Variants in SUPT20HL1 observed in about 807,000 individuals in gnomAD.
The protein encoded by SUPT20HL1 is transcription factor SPT20 homolog-like 1.
For missense variants in SUPT20HL1, 277 were observed against 200.3 expected (o/e 1.38, Z -2.31); for synonymous variants, 133 against 79.2 (o/e 1.68, Z -3.61).
chrX:24,361,055 G>A lies in SUPT20HL1; in HGVS notation c.-1706G>A, dbSNP rs1939423915. 8.9e-6 allele frequency among the ~76,000 whole-genome samples: 1 copy of A among 112,380 alleles called. No homozygotes were observed. The highest frequency in any genetic ancestry group is 3.7e-4 in the South Asian group (1 of 2,727). ...ACCCCAGCTTCCTTGCATCTAGGAC[G>A]GGACAATCTGAGGCTTATTCTGTAC... is the stretch of plus-strand genomic sequence containing the variant. On this transcript the variant is annotated 5_prime_UTR_variant, in exon 1 of 1. Transcript: ENST00000686983.
chrX:24,364,542 A>C lies in SUPT20HL1; in HGVS notation c.1782A>C (p.Lys594Asn). Residue 594 changes from lysine (K) to asparagine (N), a missense_variant, in exon 1 of 1, where the codon AAA becomes AAC. Physicochemically the swap from Lys to Asn is moderately conservative, Grantham distance 94. Coordinates refer to ENST00000686983, the MANE Select transcript of SUPT20HL1 (RefSeq NM_001136234.3). Reference protein sequence around the residue: ...PAAQPPTKFIKIAPAIQLRTG... With the variant: ...PAAQPPTKFINIAPAIQLRTG... ...CCCAGCCCCCCACCAAATTCATAAA[A>C]ATAGCGCCAGCCATTCAGTTGAGGA... 3.6e-6 allele frequency: 2 copies of C among 551,352 alleles called. No homozygotes were observed. The highest frequency in any genetic ancestry group is 3.2e-4 in the Middle Eastern group (1 of 3,149). 45.4% of individuals were successfully genotyped at this position (551,352 alleles called of 1,213,427 possible).
Position 24,365,827 on chromosome X carries a change from G to T in SUPT20HL1, c.*403G>T, listed in dbSNP as rs969859583. ...GTTAATATTTTAACAAGAAGAGTGG[G>T]ATTAAATTTATTTTAATGGTGGTAA... On this transcript the variant is annotated 3_prime_UTR_variant, in exon 1 of 1. Transcript: ENST00000686983. 8.9e-6 allele frequency among the ~76,000 whole-genome samples: 1 copy of T among 111,987 alleles called. No individual in the cohort carries two copies. The highest frequency in any genetic ancestry group is 3.2e-5 in the African/African-American group (1 of 30,813).
Position 24,365,198 on chromosome X carries a change from C to CGCA in SUPT20HL1, c.2450_2452dup (p.Gln817dup), listed in dbSNP as rs755894037. ...AAGCCACGGCAGGAGCAGCCACAGTCGCAGCAGCAGCAGCCGCAGCATATC... is the reference window on the plus strand; with the variant it reads ...AAGCCACGGCAGGAGCAGCCACAGTCGCAGCAGCAGCAGCAGCCGCAGCATATC... On this transcript the variant is annotated inframe_insertion, in exon 1 of 1. Coordinates refer to ENST00000686983, the MANE Select transcript of SUPT20HL1 (RefSeq NM_001136234.3). The CGCA allele has an allele frequency of 2.9e-6, 1 of 350,801 alleles. No individual in the cohort carries two copies. The highest frequency in any genetic ancestry group is 2.6e-5 in the African/African-American group (1 of 38,239). 28.9% of individuals were successfully genotyped at this position (350,801 alleles called of 1,213,427 possible).
At position 24,363,356 on chromosome X, in the gene SUPT20HL1, A is replaced by G. The variant is rs1337927670; in HGVS notation, c.596A>G (p.Gln199Arg). The G allele has an allele frequency of 2.6e-6, 1 of 387,466 alleles. No homozygotes were observed. The allele number at this position is 387,466 out of a possible 1,213,427, so 31.9% of individuals were successfully genotyped here. The change falls in exon 1 of 1, where the codon CAG becomes CGG. Residue 199 changes from glutamine to arginine, a missense_variant. Transcript: ENST00000686983. ...SQEDKLQLES[Q>R]LILATAEPLC... is the part of the protein sequence containing the mutation. The stretch of plus-strand genomic sequence containing the variant: ...GAAGACAAGCTTCAGCTTGAGAGCC[A>G]GCTGATCTTAGCGACAGCTGAACCA...
Position 24,364,238 on chromosome X carries a change from T to C in SUPT20HL1, c.1478T>C (p.Phe493Ser). 1 of 921,953 alleles carries C rather than the reference T, an allele frequency of 1.1e-6. No homozygotes were observed. Among genetic ancestry groups the C allele is most frequent in the Non-Finnish European group, 1.5e-6 (1 of 654,191 alleles). 76.0% of individuals were successfully genotyped at this position (921,953 alleles called of 1,213,427 possible). The change falls in exon 1 of 1, where the codon TTT becomes TCT. Residue 493 changes from phenylalanine (F) to serine (S), a missense_variant. Transcript: ENST00000686983. The part of the protein sequence containing the change: ...QQAGSPLKRP[F>S]SAAAAIAAAA... The stretch of plus-strand genomic sequence containing the variant: ...GCAGGCAGCCCTCTTAAGCGTCCAT[T>C]TTCTGCTGCTGCTGCTATTGCTGCT...
rs1241674888 is a variant in SUPT20HL1, at chrX:24,367,527, A to G, written c.*2103A>G. On this transcript the variant is annotated 3_prime_UTR_variant, in exon 1 of 1. Coordinates refer to ENST00000686983, the MANE Select transcript of SUPT20HL1 (RefSeq NM_001136234.3). ...GATGCTGTTAAAGAAAGACTTGGCC[A>G]ACTTCAAGAAAACACATCGAATTTC... 3.6e-5 allele frequency among the ~76,000 whole-genome samples: 4 copies of G among 112,414 alleles called. No individual in the cohort carries two copies. Among genetic ancestry groups the G allele is most frequent in the Admixed American group, 9.4e-5 (1 of 10,635 alleles).
chrX:24,363,455 C>T lies in SUPT20HL1; in HGVS notation c.695C>T (p.Thr232Ile), dbSNP rs774273021. Residue 232 changes from threonine to isoleucine, a missense_variant, in exon 1 of 1, where the codon ACC becomes ATC. By Grantham distance (89) the Thr-to-Ile change is moderately conservative. Transcript: ENST00000686983. Reference protein sequence around the residue: ...RLLYNKQKMNTDPMKRCLQRY... With the variant: ...RLLYNKQKMNIDPMKRCLQRY... The stretch of plus-strand genomic sequence containing the variant: ...CTGTACAACAAGCAAAAGATGAATA[C>T]CGACCCGATGAAACGGTGCCTCCAG... The T allele has an allele frequency of 1.3e-5, 5 of 387,109 alleles. No individual in the cohort carries two copies. In the East Asian group the frequency reaches 3.7e-4, roughly 29 times the overall value. 31.9% of individuals were successfully genotyped at this position (387,109 alleles called of 1,213,427 possible).
Position 24,361,833 on chromosome X carries a change from T to G in SUPT20HL1, c.-928T>G, listed in dbSNP as rs1939428527. ...TATGTAAATGAACGTCAGGTACTGA[T>G]GCATCTACATGAACACCCCCAGGCG... is the stretch of plus-strand genomic sequence containing the variant. On this transcript the variant is annotated 5_prime_UTR_variant, in exon 1 of 1. The change abolishes an upstream ATG in the 5' untranslated region. Coordinates refer to ENST00000686983, the MANE Select transcript of SUPT20HL1 (RefSeq NM_001136234.3). Among the ~76,000 whole-genome samples, 1 of 112,148 alleles carries G rather than the reference T, an allele frequency of 8.9e-6. No individual in the cohort carries two copies. Among genetic ancestry groups the G allele is most frequent in the Admixed American group, 9.4e-5 (1 of 10,607 alleles).
rs149375968 is a variant in SUPT20HL1, at chrX:24,366,380, T to G, written c.*956T>G. Among the ~76,000 whole-genome samples the G allele has an allele frequency of 0.011, 1,263 of 111,969 alleles. 48 individuals carry two copies. The East Asian group carries it at 0.16, about 14-fold the overall frequency. On this transcript the variant is annotated 3_prime_UTR_variant, in exon 1 of 1. Coordinates refer to ENST00000686983, the MANE Select transcript of SUPT20HL1 (RefSeq NM_001136234.3). ...TACAGTGATCCTTGTCACACTGCGA[T>G]TGAATACATGGAAGACCTCTAAAGC...
In SUPT20HL1 at chrX:24,366,340, A is replaced by C. The variant is rs1345491848; in HGVS notation, c.*916A>C. ...ATTACACATTCATTTTGAAAAATGA[A>C]ATGAAAAAGTACAATACAGTGATCC... On this transcript the variant is annotated 3_prime_UTR_variant, in exon 1 of 1. Coordinates refer to ENST00000686983, the MANE Select transcript of SUPT20HL1 (RefSeq NM_001136234.3). 1.8e-5 allele frequency among the ~76,000 whole-genome samples: 2 copies of C among 112,059 alleles called. No individual in the cohort carries two copies. Among genetic ancestry groups the C allele is most frequent in the Non-Finnish European group, 3.8e-5 (2 of 53,217 alleles).
chrX:24,365,125 C>A lies in SUPT20HL1; in HGVS notation c.2365C>A (p.Pro789Thr), dbSNP rs1351326278. The change falls in exon 1 of 1, where the codon CCA (proline) becomes ACA (threonine). Residue 789 changes from proline to threonine, a missense_variant. By Grantham distance (38) the Pro-to-Thr change is conservative. Transcript: ENST00000686983. ...QLPSVLRQQQ[P>T]QPQPPKLQLQ... is the part of the protein sequence containing the mutation. ...CCCCTCTGTCTTGAGGCAGCAGCAG[C>A]CACAGCCACAGCCGCCGAAGCTGCA... 2.9e-6 allele frequency: 1 copy of A among 344,496 alleles called. No homozygotes were observed. The highest frequency in any genetic ancestry group is 5.8e-6 in the Non-Finnish European group (1 of 171,133). 28.4% of individuals were successfully genotyped at this position (344,496 alleles called of 1,213,427 possible).
rs2148149761 is a variant in SUPT20HL1 at position 24,363,090 on chromosome X, G to A, written c.330G>A (p.Arg110=). 2.8e-6 allele frequency: 1 copy of A among 354,318 alleles called. No homozygotes were observed. The highest frequency in any genetic ancestry group is 7.9e-5 in the East Asian group (1 of 12,583). The allele number at this position is 354,318 out of a possible 1,213,427, so 29.2% of individuals were successfully genotyped here. ...CCATTCGGCTGCCTTATGAAGAAAG[G>A]GCATTGCTGGACTACTTGGATGCAG... is the stretch of plus-strand genomic sequence containing the variant. The part of the protein sequence containing the change: ...AETIRLPYEE[R]ALLDYLDAEE... The change falls in exon 1 of 1, where the codon AGG becomes AGA. Residue 110 remains arginine, a synonymous_variant. Coordinates refer to ENST00000686983, the MANE Select transcript of SUPT20HL1 (RefSeq NM_001136234.3).
At position 24,361,357 on chromosome X, in the gene SUPT20HL1, C is replaced by T. The variant is rs1482066158; in HGVS notation, c.-1404C>T. Among the ~76,000 whole-genome samples, 7 of 112,201 alleles carry T rather than the reference C, an allele frequency of 6.2e-5. No individual in the cohort carries two copies. Among genetic ancestry groups the T allele is most frequent in the Non-Finnish European group, 1.3e-4 (7 of 53,251 alleles). ...ATATACCTCTCTAATAAGTGAGATG[C>T]ACCCTGGGATATCAGCGGAGGGAGG... On this transcript the variant is annotated 5_prime_UTR_variant, in exon 1 of 1. Transcript: ENST00000686983.
rs1939460110 is a variant in SUPT20HL1, at chrX:24,364,341, TC to T, written c.1583del (p.Pro528LeufsTer3). 1.3e-6 allele frequency: 1 copy of T among 780,468 alleles called. No homozygotes were observed. The highest frequency in any genetic ancestry group is 1.9e-6 in the Non-Finnish European group (1 of 537,878). The allele number at this position is 780,468 out of a possible 1,213,427, so 64.3% of individuals were successfully genotyped here. Reference protein sequence around the residue: ...PAPALAAAAAPALAAAAAPAL... With the variant: ...PAPALAAAAAXALAAAAAPAL... ...CTCCTGCTCTAGCTGCTGCTGCTGC[TC>T]CTGCTCTAGCTGCTGCTGCTGCTCC... is the stretch of plus-strand genomic sequence containing the variant. On this transcript the variant is annotated frameshift_variant, in exon 1 of 1. Transcript: ENST00000686983. LOFTEE classifies it low-confidence loss of function (END_TRUNC).
At position 24,361,455 on chromosome X, in the gene SUPT20HL1, G is replaced by A. The variant is rs1310370327; in HGVS notation, c.-1306G>A. ...TAGTTCTCCCCAGAAAAACATTATT[G>A]ATCTTGTCCAATAAAACAAACAAAA... On this transcript the variant is annotated 5_prime_UTR_variant, in exon 1 of 1. Coordinates refer to ENST00000686983, the MANE Select transcript of SUPT20HL1 (RefSeq NM_001136234.3). Among the ~76,000 whole-genome samples, 10 of 112,040 alleles carry A rather than the reference G, an allele frequency of 8.9e-5. No individual in the cohort carries two copies. The highest frequency in any genetic ancestry group is 2.6e-4 in the African/African-American group (8 of 30,770).
Position 24,361,405 on chromosome X carries a change from T to A in SUPT20HL1, c.-1356T>A, listed in dbSNP as rs1024840166. Among the ~76,000 whole-genome samples the A allele has an allele frequency of 8.9e-6, 1 of 112,013 alleles. No individual in the cohort carries two copies. The highest frequency in any genetic ancestry group is 1.9e-5 in the Non-Finnish European group (1 of 53,203). On this transcript the variant is annotated 5_prime_UTR_variant, in exon 1 of 1. An upstream start codon of the reference 5' UTR is lost. Coordinates refer to ENST00000686983, the MANE Select transcript of SUPT20HL1 (RefSeq NM_001136234.3). The stretch of plus-strand genomic sequence containing the variant: ...AGGGGCAGAATTTAGATCACACTCA[T>A]GAGTCAGAAAAACAGGCTATGGAGT...
At position 24,362,992 on chromosome X, in the gene SUPT20HL1, C is replaced by T. The variant is rs1161528485; in HGVS notation, c.232C>T (p.Leu78=). The T allele has an allele frequency of 2.7e-6, 1 of 368,995 alleles. No homozygotes were observed. Among genetic ancestry groups the T allele is most frequent in the East Asian group, 7.7e-5 (1 of 13,070 alleles). The allele number at this position is 368,995 out of a possible 1,213,427, so 30.4% of individuals were successfully genotyped here. A position where few individuals can be genotyped will look rare whatever the true frequency, so the allele number is the denominator to read the frequency against. ...LVRRESLPCL[L]VNLYPGNQGY... is the part of the protein sequence containing the mutation. ...TAGGAGAGAGTCCTTGCCATGTTTA[C>T]TGGTCAATCTATACCCAGGCAATCA... Residue 78 remains leucine (L), a synonymous_variant, in exon 1 of 1, where the codon CTG becomes TTG. Coordinates refer to ENST00000686983, the MANE Select transcript of SUPT20HL1 (RefSeq NM_001136234.3).
At position 24,365,684 on chromosome X, in the gene SUPT20HL1, A is replaced by G. The variant is rs747483094; in HGVS notation, c.*260A>G. On this transcript the variant is annotated 3_prime_UTR_variant, in exon 1 of 1. Transcript: ENST00000686983. ...AATTATTTTTAATATAGTGTTTTAA[A>G]GTGTCCAAATCCCAACCAGTTTGAG... 8.9e-6 allele frequency among the ~76,000 whole-genome samples: 1 copy of G among 112,024 alleles called. No individual in the cohort carries two copies. Among genetic ancestry groups the G allele is most frequent in the Non-Finnish European group, 1.9e-5 (1 of 53,251 alleles).
chrX:24,365,289 G>A lies in SUPT20HL1; in HGVS notation c.2529G>A (p.Gln843=), dbSNP rs772305819. 2.3e-5 allele frequency: 9 copies of A among 385,659 alleles called. No individual in the cohort carries two copies. The East Asian group carries it at 6.7e-4, about 29-fold the overall frequency. 31.8% of individuals were successfully genotyped at this position (385,659 alleles called of 1,213,427 possible). The change falls in exon 1 of 1, where the codon CAG becomes CAA. Residue 843 remains glutamine, a synonymous_variant. Coordinates refer to ENST00000686983, the MANE Select transcript of SUPT20HL1 (RefSeq NM_001136234.3). Reference sequence around the variant, plus strand: ...AGCATATCCAGCTCCAGACTCAGCAGTTGAGAGTCCTGCAGCAGCCAGTGT... The same window carrying A: ...AGCATATCCAGCTCCAGACTCAGCAATTGAGAGTCCTGCAGCAGCCAGTGT... The part of the protein sequence containing the change: ...QPQHIQLQTQ[Q]LRVLQQPVFL...
Sources: allele counts gnomAD v4.1 joint callset (sites outside exome capture counted in the v4.1 genomes callset), GRCh38; gene constraint gnomAD v4.1.1; transcripts MANE v1.5; gene names NCBI Gene and HGNC (gene_info 2026-07-23, HGNC 2026-07-21).